B3GAT1: variants seen among roughly 807,000 people sequenced by gnomAD.
B3GAT1 encodes beta-1,3-glucuronyltransferase 1.
Under a neutral mutation model 28.4 loss-of-function variants are expected in B3GAT1, and 11 were observed. The ratio of observed to expected loss-of-function variants is 0.39; its 90% confidence interval spans 0.24 to 0.64. B3GAT1 has a LOEUF of 0.64. Among genes scored for constraint, B3GAT1 ranks in the 30% least tolerant of loss-of-function variants. The probability of loss-of-function intolerance (pLI) is 0.50; values close to 1 mark genes in which losing one functional copy is unlikely to be tolerated. For synonymous variants in B3GAT1, 255 were observed against 223.1 expected (o/e 1.14, Z -1.27); for missense variants, 375 against 491.0 (o/e 0.76, Z 2.23).
rs1944310699 is a variant in B3GAT1, at chr11:134,387,267, G to A, written c.112+281C>T. 3 of 415,228 alleles carry A rather than the reference G, an allele frequency of 7.2e-6. No individual in the cohort carries two copies. The South Asian group carries it at 1.0e-4, about 14-fold the overall frequency. The allele number at this position is 415,228 out of a possible 1,614,324, so 25.7% of individuals were successfully genotyped here. On this transcript the variant is annotated intron_variant, in intron 2 of 5. Coordinates refer to ENST00000312527, the MANE Select transcript of B3GAT1 (RefSeq NM_054025.3). ...ACCTCAGCACTTCCCCAGGGGGCAG[G>A]GCGTGCCCCCTCCTCTTGGGTGCTG...
At chr11:134,397,035 C>G (rs185780420) in intron 1 of B3GAT1, among the ~76,000 whole-genome samples, 1 of 152,204 alleles carries the variant, frequency 6.6e-6, no homozygotes, top group Non-Finnish European at 1.5e-5. Flanking sequence ...CTGGAAGCAG[C>G]TCTCATCCAA....
chr11:134,381,532 G>A (rs374193830), intron 5 of B3GAT1: 181 of 200,914 alleles, frequency 9.0e-4, no homozygotes, highest in African/African-American at 4.1e-3. Flanking sequence ...CAGCGAGTCC[G>A]TGAGTCCTCA....
At chr11:134,392,872 A>G (rs1382164657) in intron 1 of B3GAT1, among the ~76,000 whole-genome samples, 1 of 152,214 alleles carries the variant, frequency 6.6e-6, no homozygotes, top group Non-Finnish European at 1.5e-5. Context: ...TGTTCAAACG[A>G]AGGCCTCAGC....
At chr11:134,394,520 CT>C (rs1413370644) in intron 1 of B3GAT1, among the ~76,000 whole-genome samples, 6 of 152,258 alleles carry the variant, frequency 3.9e-5, no homozygotes, top group African/African-American at 1.2e-4. Context: ...CCAGAGCCCC[CT>C]GACCTTTCAT....
At chr11:134,394,375 TAG>T (rs2136322649) in intron 1 of B3GAT1, among the ~76,000 whole-genome samples, 2 of 152,336 alleles carry the variant, frequency 1.3e-5, no homozygotes, top group Non-Finnish European at 1.5e-5. Flanking sequence ...GTCACTGCGT[TAG>T]GTGTCAGCAG....
At position 134,382,911 on chromosome 11, in the gene B3GAT1, G is replaced by C. The variant is rs775798071; in HGVS notation, c.717C>G (p.Val239=). 1 of 1,613,146 alleles carries C rather than the reference G, an allele frequency of 6.2e-7. No individual in the cohort carries two copies. The highest frequency in any genetic ancestry group is 8.5e-7 in the Non-Finnish European group (1 of 1,179,614). The change falls in exon 4 of 6, where the codon GTC becomes GTG. Residue 239 remains valine (V), a synonymous_variant. Transcript: ENST00000312527. The stretch of plus-strand genomic sequence containing the variant: ...GGGGGTCAAACACCGTCTTCCAGCC[G>C]ACCACCTTCCCTGCCCCGTTCACCC... ...APRVNGAGKV[V]GWKTVFDPHR...
At chr11:134,404,143 A>T (rs998496360) in intron 1 of B3GAT1, among the ~76,000 whole-genome samples, 1 of 151,188 alleles carries the variant, frequency 6.6e-6, no homozygotes, top group African/African-American at 2.4e-5. Flanking sequence ...TAGCATTAGC[A>T]ATATCTCCTA....
In B3GAT1 at chr11:134,412,065, G is replaced by T. The variant is rs1944870816; in HGVS notation, c.-540C>A. 6.9e-6 allele frequency: 1 copy of T among 145,564 alleles called. No individual in the cohort carries two copies. The highest frequency in any genetic ancestry group is 1.5e-5 in the Non-Finnish European group (1 of 65,448). 9.0% of individuals were successfully genotyped at this position (145,564 alleles called of 1,614,324 possible). Reference sequence around the variant, plus strand: ...GGCCGAAGGCTGGGAGCGCGCGGGAGGGAGGGCGCGGGCAGGGAGGCGGGG... The same window carrying T: ...GGCCGAAGGCTGGGAGCGCGCGGGATGGAGGGCGCGGGCAGGGAGGCGGGG... On this transcript the variant is annotated 5_prime_UTR_variant, in exon 1 of 6. Transcript: ENST00000312527.
chr11:134,402,026 G>A (rs986351897), intron 1 of B3GAT1, among the ~76,000 whole-genome samples: 6 of 151,812 alleles, frequency 4.0e-5, no homozygotes, highest in African/African-American at 1.2e-4. Flanking sequence ...GGAACCTGGC[G>A]CTGTGGCCCT....
At chr11:134,395,732 A>G (rs913357809) in intron 1 of B3GAT1, among the ~76,000 whole-genome samples, 1 of 152,146 alleles carries the variant, frequency 6.6e-6, no homozygotes, top group African/African-American at 2.4e-5. Flanking sequence ...CACTTTTGGA[A>G]GGAAATGTCC....
intron 1 of B3GAT1, among the ~76,000 whole-genome samples, chr11:134,402,768 C>T (rs1301877082): frequency 3.9e-5 from 6 of 152,058 alleles, no homozygotes; most frequent in African/African-American, 1.2e-4. Flanking sequence ...CAAAAATTAG[C>T]CAGGTGTTGT....
At chr11:134,398,216 C>A (rs76369658) in intron 1 of B3GAT1, among the ~76,000 whole-genome samples, 2 of 152,170 alleles carry the variant, frequency 1.3e-5, no homozygotes, top group Non-Finnish European at 2.9e-5. Context: ...AGTCAGCACA[C>A]GTGTATTCAC....
chr11:134,396,948 G>A (rs1352451574), intron 1 of B3GAT1, among the ~76,000 whole-genome samples: 1 of 152,188 alleles, frequency 6.6e-6, no homozygotes, highest in African/African-American at 2.4e-5. Flanking sequence ...CTCACACGGA[G>A]CTGCTACACC....
At chr11:134,381,463 C>T (rs1410091860) in intron 5 of B3GAT1, among the ~76,000 whole-genome samples, 3 of 152,176 alleles carry the variant, frequency 2.0e-5, no homozygotes, top group Admixed American at 6.5e-5. Flanking sequence ...GGCTCTGGGT[C>T]CGTGCTGTCA....
chr11:134,409,699 C>G (rs1266451389), intron 1 of B3GAT1: 1 of 152,312 alleles, frequency 6.6e-6, no homozygotes, highest in Non-Finnish European at 1.5e-5. Flanking sequence ...CCAGCCTGCC[C>G]CAACTCACCA....
chr11:134,378,853 A>G lies in B3GAT1; in HGVS notation c.*1909T>C, dbSNP rs539036988. The G allele has an allele frequency of 6.6e-6, 1 of 152,388 alleles. No homozygotes were observed. The highest frequency in any genetic ancestry group is 1.5e-5 in the Non-Finnish European group (1 of 68,042). The allele number at this position is 152,388 out of a possible 1,614,324, so 9.4% of individuals were successfully genotyped here. On this transcript the variant is annotated 3_prime_UTR_variant, in exon 6 of 6. Coordinates refer to ENST00000312527, the MANE Select transcript of B3GAT1 (RefSeq NM_054025.3). ...AAACAACTGACCTAGCATCTGCCCA[A>G]AGAAGTCCCCATTTTGTTGTTCATT...
At chr11:134,409,610 TG>T (rs1411964199) in intron 1 of B3GAT1, 1 of 152,298 alleles carries the variant, frequency 6.6e-6, no homozygotes, top group Non-Finnish European at 1.5e-5. Context: ...CTCAGTAGAA[TG>T]TCCAACTGCT....
intron 1 of B3GAT1, among the ~76,000 whole-genome samples, chr11:134,395,947 G>A (rs571488678): frequency 9.9e-5 from 15 of 152,270 alleles, no homozygotes; most frequent in Non-Finnish European, 2.1e-4. Flanking sequence ...AGCTCACTTG[G>A]GTGGTGGTGG....
In B3GAT1 at chr11:134,411,254, C is replaced by G. The variant is rs1023070621; in HGVS notation, c.-282+553G>C. On this transcript the variant is annotated intron_variant, in intron 1 of 5. Coordinates refer to ENST00000312527, the MANE Select transcript of B3GAT1 (RefSeq NM_054025.3). This position sits in a 1 kb window ranked among gnomAD's most constrained non-coding sequence, Gnocchi z 6.0. ...TGGGAGGGTGGTGAACTGGTCGCGC[C>G]TCCTTCCTCCTTGCTACACCGAAGG... 2.6e-5 allele frequency among the ~76,000 whole-genome samples: 4 copies of G among 152,184 alleles called. No homozygotes were observed. The highest frequency in any genetic ancestry group is 9.7e-5 in the African/African-American group (4 of 41,446).
Sources: allele counts gnomAD v4.1 joint callset (sites outside exome capture counted in the v4.1 genomes callset), GRCh38; gene constraint gnomAD v4.1.1; non-coding constraint Gnocchi (gnomAD v3.1); transcripts MANE v1.5; gene names NCBI Gene and HGNC (gene_info 2026-07-23, HGNC 2026-07-21).